ACTR3C: variants seen among roughly 807,000 people sequenced by gnomAD.
ACTR3C encodes the protein actin related protein 3C, also known as actin-related protein 3C.
In ACTR3C, 18 loss-of-function variants were observed where a neutral mutation model predicts 26.3. The ratio of observed to expected loss-of-function variants is 0.68; its 90% CI spans 0.47 to 1.01. The LOEUF (loss-of-function observed/expected upper bound fraction) is 1.01, where lower values mean the gene tolerates loss of function less well. ACTR3C is among the 50% of genes least tolerant of loss of function. ACTR3C has a pLI of 0.00. For synonymous variants in ACTR3C, 55 were observed against 94.5 expected (o/e 0.58, Z 2.42); for missense variants, 184 against 250.7 (o/e 0.73, Z 1.80).
chr7:149,936,629 G>T, the ACTR3C span, among the ~76,000 whole-genome samples: 1 of 152,168 alleles, frequency 6.6e-6, no homozygotes, highest in African/African-American at 2.4e-5. Context: ...GAGGACTGTG[G>T]CTCCATTTAT....
the ACTR3C span, among the ~76,000 whole-genome samples, chr7:150,023,310 G>GATACATACATACATAC: frequency 4.0e-4 from 28 of 70,734 alleles, no homozygotes; most frequent in African/African-American, 9.2e-4. Context: ...TAGATAGATA[G>GATACATACATACATAC]ATAGATACAT....
At chr7:150,118,088 A>T in the ACTR3C span, among the ~76,000 whole-genome samples, 1 of 152,202 alleles carries the variant, frequency 6.6e-6, no homozygotes. Flanking sequence ...AAGGTCACCA[A>T]CATCAAATAC....
At chr7:149,901,929 A>G in the ACTR3C span, among the ~76,000 whole-genome samples, 1 of 150,552 alleles carries the variant, frequency 6.6e-6, no homozygotes, top group Admixed American at 6.6e-5. Flanking sequence ...AAAAAAAAAA[A>G]AAAAAAAAAA....
At chr7:150,144,917 G>C in the ACTR3C span, among the ~76,000 whole-genome samples, 39 of 152,110 alleles carry the variant, frequency 2.6e-4, no homozygotes, top group East Asian at 7.3e-3. This position sits in a 1 kb window ranked among gnomAD's most constrained non-coding sequence, Gnocchi z 4.6. Context: ...GGGCGTGGTG[G>C]CGTGCTCCTG....
chr7:149,973,428 T>A, the ACTR3C span, among the ~76,000 whole-genome samples: 2 of 152,214 alleles, frequency 1.3e-5, no homozygotes, highest in Non-Finnish European at 2.9e-5. Flanking sequence ...TAAGAGCAAA[T>A]ACCTTCATGT....
At chr7:150,038,290 C>T in the ACTR3C span, among the ~76,000 whole-genome samples, 1 of 144,732 alleles carries the variant, frequency 6.9e-6, no homozygotes, top group Non-Finnish European at 1.5e-5. Context: ...GAGACGTAGG[C>T]TACGGGCCTC....
the ACTR3C span, among the ~76,000 whole-genome samples, chr7:150,199,792 G>A: frequency 1.4e-5 from 2 of 140,048 alleles, no homozygotes; most frequent in Admixed American, 1.4e-4. Context: ...GGTAACAGAT[G>A]TATTAATTAG....
chr7:150,001,431 TCA>T, the ACTR3C span: 1 of 152,420 alleles, frequency 6.6e-6, no homozygotes, highest in East Asian at 1.9e-4. Flanking sequence ...GGAGACGTTG[TCA>T]CAGTTACAGT....
At chr7:150,196,388 T>C in the ACTR3C span, among the ~76,000 whole-genome samples, 3 of 152,366 alleles carry the variant, frequency 2.0e-5, no homozygotes, top group Middle Eastern at 3.4e-3. Context: ...CTGATGAACA[T>C]GTCAAAAGTG....
chr7:150,165,677 T>C, the ACTR3C span, among the ~76,000 whole-genome samples: 1 of 146,768 alleles, frequency 6.8e-6, no homozygotes. Flanking sequence ...CCCCCTTTCC[T>C]GCCATCATCC....
the ACTR3C span, among the ~76,000 whole-genome samples, chr7:150,127,092 G>A: frequency 1.3e-5 from 2 of 151,370 alleles, no homozygotes; most frequent in Admixed American, 1.3e-4. Context: ...AGACCACAGC[G>A]CTCTCTCTGG....
At chr7:150,230,455 G>A in the ACTR3C span, among the ~76,000 whole-genome samples, 1 of 152,112 alleles carries the variant, frequency 6.6e-6, no homozygotes, top group Non-Finnish European at 1.5e-5. Flanking sequence ...CCAATCCATG[G>A]CCTGTTAGTA....
chr7:149,988,139 G>A, the ACTR3C span, among the ~76,000 whole-genome samples: 4 of 152,218 alleles, frequency 2.6e-5, no homozygotes, highest in Admixed American at 6.5e-5. Flanking sequence ...TTGCTGGCTT[G>A]CTGGAAGGAA....
chr7:149,995,018 C>T, the ACTR3C span, among the ~76,000 whole-genome samples: 35 of 152,072 alleles, frequency 2.3e-4, no homozygotes, highest in African/African-American at 8.0e-4. Context: ...CAGTGCCCAG[C>T]TAATTTTTGT....
At chr7:150,301,714 G>A (rs1795448064) in intron 1 of ACTR3C, among the ~76,000 whole-genome samples, 1 of 151,340 alleles carries the variant, frequency 6.6e-6, no homozygotes, top group Non-Finnish European at 1.5e-5. Flanking sequence ...AGGAATCCTG[G>A]CACATGCTTC....
At chr7:150,117,276 G>C in the ACTR3C span, among the ~76,000 whole-genome samples, 6 of 152,340 alleles carry the variant, frequency 3.9e-5, no homozygotes, top group Admixed American at 3.9e-4. Flanking sequence ...AGGGAGCCAA[G>C]TGGTCTTGCT....
the ACTR3C span, among the ~76,000 whole-genome samples, chr7:150,199,667 ACATT>A: frequency 7.1e-6 from 1 of 140,732 alleles, no homozygotes; most frequent in Non-Finnish European, 1.5e-5. Context: ...AAAAAATAAA[ACATT>A]AATAGTACAA....
the ACTR3C span, among the ~76,000 whole-genome samples, chr7:150,041,807 C>A: frequency 7.5e-4 from 85 of 113,822 alleles, no homozygotes; most frequent in African/African-American, 2.7e-3. Context: ...GCCTCCCCCC[C>A]TGCGATGGGG....
chr7:150,143,679 G>C, the ACTR3C span, among the ~76,000 whole-genome samples: 1 of 149,418 alleles, frequency 6.7e-6, no homozygotes, highest in African/African-American at 2.4e-5. Flanking sequence ...ACGCGAGGCT[G>C]CCGGGGACTG....
Sources: allele counts gnomAD v4.1 joint callset (sites outside exome capture counted in the v4.1 genomes callset), GRCh38; gene constraint gnomAD v4.1.1; non-coding constraint Gnocchi (gnomAD v3.1); transcripts MANE v1.5; gene names NCBI Gene and HGNC (gene_info 2026-07-23, HGNC 2026-07-21).